ARMCX4: variants seen among roughly 807,000 people sequenced by gnomAD.
The protein encoded by ARMCX4 is armadillo repeat-containing X-linked protein 4.
A neutral mutation model predicts 34.7 loss-of-function variants in ARMCX4; 3 were observed. The ratio of observed to expected loss-of-function variants is 0.09; its 90% CI spans 0.04 to 0.22. The LOEUF (loss-of-function observed/expected upper bound fraction) is 0.22, where lower values mean the gene tolerates loss of function less well. Ranked by LOEUF, ARMCX4 falls within the 10% of genes least tolerant of loss-of-function variation. The pLI is 1.00. For synonymous variants in ARMCX4, 513 were observed against 632.8 expected, an observed-to-expected ratio of 0.81 and a Z score of 2.84; for missense variants, 1,448 against 1,720.8, an observed-to-expected ratio of 0.84 and a Z score of 2.81.
At chrX:101,480,120 GGA>G (rs1194537126) in intron 4 of ARMCX4, among the ~76,000 whole-genome samples, 3 of 71,986 alleles carry the variant, frequency 4.2e-5, no homozygotes, top group Non-Finnish European at 7.8e-5. Flanking sequence ...GCTAGGATTT[GGA>G]GACACACACA....
At chrX:101,434,193 C>T (rs1930518220) in intron 2 of ARMCX4, among the ~76,000 whole-genome samples, 1 of 110,109 alleles carries the variant, frequency 9.1e-6, no homozygotes, top group Admixed American at 9.8e-5. Context: ...GCGATCTGCC[C>T]ACCTTGGCCT....
chrX:101,466,156 T>C (rs1932788553), intron 4 of ARMCX4, among the ~76,000 whole-genome samples: 1 of 112,058 alleles, frequency 8.9e-6, no homozygotes, highest in Non-Finnish European at 1.9e-5. Flanking sequence ...CAATTCGATA[T>C]TAAGAAAACA....
chrX:101,527,851 C>A (rs1488164097), intron 11 of ARMCX4, among the ~76,000 whole-genome samples: 1 of 111,334 alleles, frequency 9.0e-6, no homozygotes, highest in Non-Finnish European at 1.9e-5. Flanking sequence ...AGCCTACCAA[C>A]CAAAAAAAGT....
intron 2 of ARMCX4, among the ~76,000 whole-genome samples, chrX:101,420,358 CA>C (rs1274379022): frequency 9.5e-6 from 1 of 105,193 alleles, no homozygotes; most frequent in African/African-American, 3.5e-5. Flanking sequence ...GCCTCCGTCT[CA>C]AAAAAAAACA....
chrX:101,517,077 A>T (rs1472422689), intron 11 of ARMCX4: 2 of 111,584 alleles, frequency 1.8e-5, no homozygotes, highest in African/African-American at 6.5e-5. Flanking sequence ...TTATTTCTTC[A>T]CTTAATTTTC....
intron 2 of ARMCX4, among the ~76,000 whole-genome samples, chrX:101,420,382 A>AG (rs1251176526): frequency 8.9e-6 from 1 of 111,759 alleles, no homozygotes; most frequent in African/African-American, 3.3e-5. Flanking sequence ...AACAAAAAAA[A>AG]GACCACCAAT....
chrX:101,517,044 T>C (rs1431639846), intron 11 of ARMCX4: 1 of 112,196 alleles, frequency 8.9e-6, no homozygotes, highest in East Asian at 2.8e-4. Context: ...TAATTGGTTT[T>C]GGTCAAGGCT....
upstream of ARMCX4, among the ~76,000 whole-genome samples, chrX:101,482,436 C>T (rs540936774): frequency 9.0e-5 from 10 of 110,638 alleles, no homozygotes; most frequent in South Asian, 3.9e-4. Flanking sequence ...ACGCCATTGC[C>T]GGTCTGGAGA....
intron 11 of ARMCX4, among the ~76,000 whole-genome samples, chrX:101,512,783 T>C (rs1414421429): frequency 2.0e-5 from 2 of 102,560 alleles, no homozygotes; most frequent in African/African-American, 3.7e-5. Flanking sequence ...CATATATATA[T>C]ACACATATAT....
chrX:101,433,012 A>G (rs1286379689), intron 2 of ARMCX4, among the ~76,000 whole-genome samples: 3 of 80,897 alleles, frequency 3.7e-5, no homozygotes, highest in East Asian at 3.9e-4. Context: ...GTGTATATAT[A>G]CACATATGTA....
chrX:101,487,242 A>G lies in ARMCX4; in HGVS notation c.-317A>G, dbSNP rs190428887. The G allele has an allele frequency of 2.4e-5, 3 of 123,649 alleles. No individual in the cohort carries two copies. Among genetic ancestry groups the G allele is most frequent in the East Asian group, 4.9e-4 (2 of 4,076 alleles). The allele number at this position is 123,649 out of a possible 1,213,427, so 10.2% of individuals were successfully genotyped here. Reference sequence around the variant, plus strand: ...GCTGTTTACCATTGGAAGCAAGGGAAAGAGGAGGAGATCAATCTAGAAGCA... The same window carrying G: ...GCTGTTTACCATTGGAAGCAAGGGAGAGAGGAGGAGATCAATCTAGAAGCA... On this transcript the variant is annotated 5_prime_UTR_variant, in exon 3 of 6. Transcript: ENST00000423738.
intron 1 of ARMCX4, chrX:101,418,654 G>A (rs1263443737): frequency 2.7e-5 from 3 of 111,708 alleles, no homozygotes; most frequent in Admixed American, 9.4e-5. Context: ...AGTGATCTCG[G>A]GCCGGTCCCC....
chrX:101,507,556 G>A (rs1934481459), intron 8 of ARMCX4, among the ~76,000 whole-genome samples: 1 of 110,811 alleles, frequency 9.0e-6, no homozygotes, highest in Admixed American at 9.6e-5. Flanking sequence ...TGTCATCATA[G>A]TGGAATTTTC....
chrX:101,434,594 G>C (rs1413699571), intron 2 of ARMCX4, among the ~76,000 whole-genome samples: 1 of 110,760 alleles, frequency 9.0e-6, no homozygotes, highest in East Asian at 2.8e-4. Context: ...AGGGTGGGAA[G>C]GGACTAACAT....
rs1163037700 is a variant in ARMCX4 at position 101,503,725 on chromosome X, A to T, written c.*1178-1212A>T. Among the ~76,000 whole-genome samples the T allele has an allele frequency of 1.2e-4, 13 of 111,068 alleles. 3 individuals are homozygous for T. Among genetic ancestry groups the T allele is most frequent in the East Asian group, 8.4e-4 (3 of 3,554 alleles). On this transcript the variant is annotated intron_variant and NMD_transcript_variant, in intron 7 of 12. Coordinates refer to the ARMCX4 transcript ENST00000354842. ...GAGTAGATTGCAAAAATTTTCTCCC[A>T]TTCTGTAGGTTGCCTGTTCACTCTG...
At chrX:101,438,185 G>T (rs148189355) in intron 2 of ARMCX4, among the ~76,000 whole-genome samples, 5,545 of 111,248 alleles carry the variant, frequency 0.05, 131 homozygotes, top group South Asian at 0.095. Context: ...GGTCTTCTTG[G>T]TGCACAGCTG....
At chrX:101,433,947 C>G (rs1351235163) in intron 2 of ARMCX4, among the ~76,000 whole-genome samples, 1 of 101,465 alleles carries the variant, frequency 9.9e-6, no homozygotes, top group Non-Finnish European at 2.0e-5. Flanking sequence ...TGGTTATCCA[C>G]TTTTTTTTTT....
chrX:101,527,545 G>C (rs1409060411), intron 11 of ARMCX4, among the ~76,000 whole-genome samples: 2 of 111,352 alleles, frequency 1.8e-5, no homozygotes, highest in Non-Finnish European at 3.8e-5. Flanking sequence ...TCCAGGGGCT[G>C]GTTTTTTGAA....
intron 11 of ARMCX4, among the ~76,000 whole-genome samples, chrX:101,529,970 G>A (rs781852081): frequency 2.0e-4 from 22 of 111,499 alleles, no homozygotes; most frequent in African/African-American, 6.8e-4. Flanking sequence ...TTGACCCAGC[G>A]ATCCCATTAC....
Sources: gnomAD v4.1 joint callset for allele counts (sites outside exome capture counted in the v4.1 genomes callset) on GRCh38, gnomAD v4.1.1 for gene constraint, MANE v1.5 for transcripts, NCBI Gene and HGNC (gene_info 2026-07-23, HGNC 2026-07-21) for gene names.